LRRC75A: variants seen among roughly 807,000 people sequenced by gnomAD.
The protein encoded by LRRC75A is leucine-rich repeat-containing protein 75A.
A neutral mutation model predicts 26.0 loss-of-function variants in LRRC75A; 12 were observed. The ratio of observed to expected loss-of-function variants is 0.46; its 90% CI spans 0.30 to 0.75. The LOEUF (loss-of-function observed/expected upper bound fraction) is 0.75, where lower values mean the gene tolerates loss of function less well. Among genes scored for constraint, LRRC75A ranks in the 30% least tolerant of loss-of-function variants. The pLI is 0.08. For missense variants in LRRC75A, 410 were observed against 486.6 expected, an observed-to-expected ratio of 0.84 and a Z score of 1.48; for synonymous variants, 223 against 219.3, an observed-to-expected ratio of 1.02 and a Z score of -0.15.
chr17:16,444,227 G>C, intron 3 of LRRC75A, 96 bp from the exon 4 acceptor site: 1 of 1,058,492 alleles, frequency 9.4e-7, no homozygotes, highest in Non-Finnish European at 1.3e-6. Flanking sequence ...TCCGACGCTA[G>C]GGACTGCTTT....
rs1008423763 is a variant in LRRC75A at position 16,491,711 on chromosome 17, C to A, written c.246+34G>T. 6.9e-6 allele frequency: 9 copies of A among 1,296,108 alleles called. No homozygotes were observed. The African/African-American group carries it at 1.3e-4, about 18-fold the overall frequency. 80.3% of individuals were successfully genotyped at this position (1,296,108 alleles called of 1,614,324 possible). ...CCCCGGCCCAGCACGCCCCCTGGCC[C>A]GGCGCGCCCCCCGCGCCCCCTCCCC... is the stretch of plus-strand genomic sequence containing the variant. On this transcript the variant is annotated intron_variant, in intron 1 of 3. Transcript: ENST00000470794. The surrounding 1 kb of genome is among the most constrained non-coding windows in gnomAD (Gnocchi z 5.9).
chr17:16,466,002 G>A (rs981096063), intron 1 of LRRC75A, among the ~76,000 whole-genome samples: 1 of 152,260 alleles, frequency 6.6e-6, no homozygotes, highest in African/African-American at 2.4e-5. Context: ...GGGAAAGCCA[G>A]ATAGAGGCTG....
intron 1 of LRRC75A, among the ~76,000 whole-genome samples, chr17:16,476,559 G>C (rs909675306): frequency 6.6e-6 from 1 of 151,082 alleles, no homozygotes; most frequent in African/African-American, 2.4e-5. Context: ...TCACATGTAG[G>C]TATTTCAGAT....
intron 2 of LRRC75A, among the ~76,000 whole-genome samples, chr17:16,449,503 A>G (rs2093613691): frequency 6.6e-6 from 1 of 152,218 alleles, no homozygotes; most frequent in South Asian, 2.1e-4. Context: ...CAAGCTCTCC[A>G]GGCACACTCT....
chr17:16,480,940 T>C (rs944012067), intron 1 of LRRC75A, among the ~76,000 whole-genome samples: 13 of 152,234 alleles, frequency 8.5e-5, no homozygotes, highest in East Asian at 3.8e-4. Context: ...GTCTTGGGAA[T>C]TGGGGACCTG....
At chr17:16,459,307 C>T (rs1295261811) in intron 2 of LRRC75A, among the ~76,000 whole-genome samples, 6 of 152,116 alleles carry the variant, frequency 3.9e-5, no homozygotes, top group Admixed American at 6.5e-5. Context: ...AAATGGGGCT[C>T]GAGACAGGCT....
intron 1 of LRRC75A, among the ~76,000 whole-genome samples, chr17:16,476,418 C>T (rs183292847): frequency 6.6e-6 from 1 of 151,388 alleles, no homozygotes; most frequent in African/African-American, 2.4e-5. Context: ...GCTTTGTTTG[C>T]CTAGGCTGGT....
At chr17:16,456,078 A>C (rs1256790592) in intron 2 of LRRC75A, among the ~76,000 whole-genome samples, 1 of 116,254 alleles carries the variant, frequency 8.6e-6, no homozygotes, top group East Asian at 2.8e-4. Context: ...GAAGAGGAAG[A>C]GGGAGAGGAG....
At chr17:16,486,320 A>G (rs530959362) in intron 1 of LRRC75A, among the ~76,000 whole-genome samples, 1 of 152,222 alleles carries the variant, frequency 6.6e-6, no homozygotes, top group Admixed American at 6.5e-5. Flanking sequence ...CCCCAACCCC[A>G]TCCCACAGCC....
At position 16,462,454 on chromosome 17, in the gene LRRC75A, A is replaced by G. The variant is rs901088684; in HGVS notation, c.247-68T>C. 6.9e-6 allele frequency: 11 copies of G among 1,600,568 alleles called. No individual in the cohort carries two copies. The highest frequency in any genetic ancestry group is 6.7e-5 in the African/African-American group (5 of 74,790). On this transcript the variant is annotated intron_variant, in intron 1 of 3. Coordinates refer to ENST00000470794, the MANE Select transcript of LRRC75A (RefSeq NM_001113567.3). The surrounding 1 kb of genome is among the most constrained non-coding windows in gnomAD (Gnocchi z 4.6). ...ACCCAGCTCGCCCACCATCCCCAAGAGAAGTAGGCACAGACCCCTAGAGGC... is the reference window on the plus strand; with the variant it reads ...ACCCAGCTCGCCCACCATCCCCAAGGGAAGTAGGCACAGACCCCTAGAGGC...
rs113896740 is a variant in LRRC75A at position 16,474,845 on chromosome 17, T to G, written c.247-12459A>C. Among the ~76,000 whole-genome samples, 577 of 151,508 alleles carry G rather than the reference T, an allele frequency of 3.8e-3. 1 individual carries two copies. Among genetic ancestry groups the G allele is most frequent in the African/African-American group, 0.013 (549 of 41,294 alleles). ...CGTCTCTATTGAAAGTACAAAAAATTAGCCGGGCGTGGTGGTGGGCGCCTG... is the reference window on the plus strand; with the variant it reads ...CGTCTCTATTGAAAGTACAAAAAATGAGCCGGGCGTGGTGGTGGGCGCCTG... On this transcript the variant is annotated intron_variant, in intron 1 of 3. Coordinates refer to ENST00000470794, the MANE Select transcript of LRRC75A (RefSeq NM_001113567.3).
At chr17:16,460,094 C>T (rs768021572) in intron 2 of LRRC75A, among the ~76,000 whole-genome samples, 9 of 152,126 alleles carry the variant, frequency 5.9e-5, no homozygotes, top group Non-Finnish European at 1.0e-4. Context: ...GGAGCTCTCA[C>T]AATGGGATTC....
At chr17:16,459,596 C>T (rs1206476881) in intron 2 of LRRC75A, among the ~76,000 whole-genome samples, 1 of 152,214 alleles carries the variant, frequency 6.6e-6, no homozygotes, top group East Asian at 1.9e-4. Flanking sequence ...AACTACAGCA[C>T]AGCCCCTCAC....
intron 2 of LRRC75A, among the ~76,000 whole-genome samples, chr17:16,453,338 ACACGCACACG>A (rs2093650975): frequency 7.1e-6 from 1 of 141,584 alleles, no homozygotes; most frequent in Non-Finnish European, 1.6e-5. Flanking sequence ...GCACACGCAC[ACACGCACACG>A]CACACACACA....
chr17:16,473,371 G>A (rs778538361), intron 1 of LRRC75A, among the ~76,000 whole-genome samples: 4 of 152,070 alleles, frequency 2.6e-5, no homozygotes, highest in African/African-American at 7.3e-5. Flanking sequence ...ACCACTGGAC[G>A]GCATGGGAAC....
intron 1 of LRRC75A, among the ~76,000 whole-genome samples, chr17:16,471,861 A>G (rs151152735): frequency 4.0e-4 from 61 of 152,268 alleles, no homozygotes; most frequent in Middle Eastern, 3.4e-3. Context: ...TAATCATTCA[A>G]AGTACTCAAA....
chr17:16,464,911 T>G (rs949938210), intron 1 of LRRC75A, among the ~76,000 whole-genome samples: 3 of 152,194 alleles, frequency 2.0e-5, no homozygotes, highest in Non-Finnish European at 4.4e-5. Flanking sequence ...AGAGGGCCTG[T>G]GTGGTCAAAC....
intron 1 of LRRC75A, among the ~76,000 whole-genome samples, chr17:16,476,480 G>A: frequency 6.6e-6 from 1 of 152,000 alleles, no homozygotes; most frequent in East Asian, 1.9e-4. Flanking sequence ...CCAAAGGGCT[G>A]AGATTACAGG....
At chr17:16,455,541 G>A (rs1290581224) in intron 2 of LRRC75A, among the ~76,000 whole-genome samples, 9 of 151,942 alleles carry the variant, frequency 5.9e-5, no homozygotes, top group African/African-American at 9.7e-5. Flanking sequence ...ATCCATGCCC[G>A]GCTAATTTTT....
Sources: gnomAD v4.1 joint callset for allele counts (sites outside exome capture counted in the v4.1 genomes callset) on GRCh38, gnomAD v4.1.1 for gene constraint, Gnocchi (gnomAD v3.1) non-coding constraint, MANE v1.5 for transcripts, NCBI Gene and HGNC (gene_info 2026-07-23, HGNC 2026-07-21) for gene names.